Variants in NBPF4 observed in about 807,000 individuals in gnomAD.
The protein encoded by NBPF4 is NBPF family member NBPF4.
A neutral mutation model predicts 21.1 loss-of-function variants in NBPF4; 11 were observed. The observed-to-expected ratio is 0.52, with a 90% CI of 0.33 to 0.86. NBPF4 has a LOEUF of 0.86. Among genes scored for constraint, NBPF4 ranks in the 40% least tolerant of loss-of-function variants. The probability of loss-of-function intolerance (pLI) is 0.03; values close to 1 mark genes in which losing one functional copy is unlikely to be tolerated. For missense variants in NBPF4, 88 were observed against 265.3 expected (o/e 0.33, Z 4.64); for synonymous variants, 47 against 106.4 (o/e 0.44, Z 3.43).
In NBPF4 at chr1:108,228,989, G is replaced by T. The variant is rs772640925; in HGVS notation, c.1591C>A (p.Arg531=). ...GFHCGNGLAQ[R]GLSSTTCSFS... ...CTGCAGGTGGTGGAGGAAAGGCCCC[G>T]CTGGGCCAAGCCGTTCCCACAGTGG... Residue 531 remains arginine, a synonymous_variant, in exon 13 of 15, where the codon CGG becomes AGG. Transcript: ENST00000415641. The T allele has an allele frequency of 1.3e-6, 2 of 1,542,684 alleles. No individual in the cohort carries two copies. Among genetic ancestry groups the T allele is most frequent in the African/African-American group, 2.8e-5 (2 of 72,534 alleles).
chr1:108,268,705 G>T, the NBPF4 span, among the ~76,000 whole-genome samples: 1 of 149,198 alleles, frequency 6.7e-6, no homozygotes, highest in Non-Finnish European at 1.5e-5. Flanking sequence ...AAAATATAAA[G>T]ATTAGAAAGA....
chr1:108,264,279 C>CA, the NBPF4 span, among the ~76,000 whole-genome samples: 1 of 147,424 alleles, frequency 6.8e-6, no homozygotes, highest in African/African-American at 2.6e-5. Context: ...CAACAAAGGT[C>CA]AAAAAAGACA....
the NBPF4 span, among the ~76,000 whole-genome samples, chr1:108,259,539 G>C: frequency 6.9e-6 from 1 of 144,574 alleles, no homozygotes; most frequent in African/African-American, 2.7e-5. Flanking sequence ...ACACTGGGTT[G>C]TCAGCCTTCT....
At chr1:108,258,295 A>G in the NBPF4 span, among the ~76,000 whole-genome samples, 1 of 134,512 alleles carries the variant, frequency 7.4e-6, no homozygotes, top group East Asian at 2.1e-4. Context: ...ATGAACAAAG[A>G]ATTTCTCTCT....
chr1:108,259,356 T>C, the NBPF4 span, among the ~76,000 whole-genome samples: 13 of 143,342 alleles, frequency 9.1e-5, no homozygotes, highest in Non-Finnish European at 1.8e-4. Context: ...AAAGGTGTTT[T>C]CTCAAATGTT....
intron 14 of NBPF4, 87 bp downstream of exon 14, chr1:108,226,592 G>A: frequency 1.8e-6 from 2 of 1,119,152 alleles, no homozygotes; most frequent in Non-Finnish European, 2.5e-6. Context: ...AGAACAAATG[G>A]GAGAGAAAAA....
the NBPF4 span, among the ~76,000 whole-genome samples, chr1:108,254,107 T>C: frequency 1.8e-5 from 2 of 108,384 alleles, no homozygotes; most frequent in Non-Finnish European, 3.8e-5. Context: ...GGAGTTTTGC[T>C]CTTGTTGCCC....
At chr1:108,268,362 A>G in the NBPF4 span, among the ~76,000 whole-genome samples, 3 of 151,894 alleles carry the variant, frequency 2.0e-5, no homozygotes, top group Non-Finnish European at 4.4e-5. Context: ...CAACATTAGA[A>G]AAAAGTAAGA....
At position 108,228,958 on chromosome 1, in the gene NBPF4, G is replaced by A; in HGVS notation, c.1622C>T (p.Ser541Leu). 2.0e-6 allele frequency: 3 copies of A among 1,523,788 alleles called. No homozygotes were observed. The highest frequency in any genetic ancestry group is 2.7e-6 in the Non-Finnish European group (3 of 1,124,072). The allele number at this position is 1,523,788 out of a possible 1,614,324, so 94.4% of individuals were successfully genotyped here. A position where few individuals can be genotyped will look rare whatever the true frequency, so the allele number is the denominator to read the frequency against. The change falls in exon 13 of 15, where the codon TCA (serine) becomes TTA (leucine). Residue 541 changes from serine to leucine, a missense_variant. Ser to Leu is a moderately radical substitution (Grantham distance 145). This residue lies in a region of NBPF4 where 60 missense variants were observed against 86.5 expected (regional missense o/e 0.69). Transcript: ENST00000415641. The stretch of plus-strand genomic sequence containing the variant: ...TTGGTTCCCAGAATCAGCATTGGCT[G>A]AGAAGCTGCAGGTGGTGGAGGAAAG... ...RGLSSTTCSFSANADSGNQWP... is the reference protein window; with the variant it reads ...RGLSSTTCSFLANADSGNQWP...
intron 14 of NBPF4, 41 bp from the exon 15 acceptor site, chr1:108,223,787 T>C (rs1289837013): frequency 1.3e-6 from 2 of 1,522,804 alleles, no homozygotes; most frequent in South Asian, 1.2e-5. Context: ...TGAGCATTTT[T>C]GTCAGGTCCA....
At chr1:108,256,330 A>G in the NBPF4 span, among the ~76,000 whole-genome samples, 2 of 143,638 alleles carry the variant, frequency 1.4e-5, no homozygotes, top group South Asian at 2.3e-4. Flanking sequence ...TAGTTTTTCT[A>G]TTCTTTGGTT....
the NBPF4 span, among the ~76,000 whole-genome samples, chr1:108,264,193 A>C: frequency 6.6e-6 from 1 of 150,628 alleles, no homozygotes; most frequent in Non-Finnish European, 1.5e-5. Flanking sequence ...ATGGAGGAAA[A>C]TTTACCAAGC....
chr1:108,247,473 C>G (rs995277835), upstream of NBPF4, among the ~76,000 whole-genome samples: 1 of 151,710 alleles, frequency 6.6e-6, no homozygotes, highest in East Asian at 1.9e-4. Flanking sequence ...CCTCTGATAC[C>G]ACGGACCTTA....
In NBPF4 at chr1:108,222,632, T is replaced by A. The variant is rs545126269; in HGVS notation, c.*1073A>T. Among the ~76,000 whole-genome samples the A allele has an allele frequency of 6.6e-6, 1 of 152,302 alleles. No individual in the cohort carries two copies. Among genetic ancestry groups the A allele is most frequent in the East Asian group, 1.9e-4 (1 of 5,184 alleles). On this transcript the variant is annotated 3_prime_UTR_variant, in exon 15 of 15. Transcript: ENST00000415641. Reference sequence around the variant, plus strand: ...TTAATTTTGGATGAAAGTTAAAATTTGGGCAGGGAATGATCTTTTTTACAA... The same window carrying A: ...TTAATTTTGGATGAAAGTTAAAATTAGGGCAGGGAATGATCTTTTTTACAA...
Position 108,223,069 on chromosome 1 carries a change from C to A in NBPF4, c.*636G>T, listed in dbSNP as rs950812236. 3.3e-5 allele frequency among the ~76,000 whole-genome samples: 5 copies of A among 152,188 alleles called. No homozygotes were observed. Among genetic ancestry groups the A allele is most frequent in the Non-Finnish European group, 5.9e-5 (4 of 68,050 alleles). On this transcript the variant is annotated 3_prime_UTR_variant, in exon 15 of 15. Transcript: ENST00000415641. ...GAATGTAGACCATTGAGCCAGACAG[C>A]TGACCTGTCCTCCACAAACAAGTCC...
upstream of NBPF4, among the ~76,000 whole-genome samples, chr1:108,248,031 C>T (rs1474228404): frequency 6.6e-6 from 1 of 151,918 alleles, no homozygotes; most frequent in Non-Finnish European, 1.5e-5. Flanking sequence ...GTTGCTCAGG[C>T]TGGTCTTAAA....
upstream of NBPF4, among the ~76,000 whole-genome samples, chr1:108,247,866 C>A (rs1649888086): frequency 8.0e-6 from 1 of 125,456 alleles, no homozygotes. Flanking sequence ...GGTTCTCGTT[C>A]TGTCATCTAG....
rs1288954125 is a variant in NBPF4, at chr1:108,235,075, T to C, written c.1028+161A>G. ...AAGAAGTTAATAAGAAATGCAAACA[T>C]TAAAAGTTTCACAATGAAAATGTAA... is the stretch of plus-strand genomic sequence containing the variant. On this transcript the variant is annotated intron_variant, in intron 9 of 14. Transcript: ENST00000415641. Among the ~76,000 whole-genome samples, 54 of 34,794 alleles carry C rather than the reference T, an allele frequency of 1.6e-3. 4 individuals carry two copies. The highest frequency in any genetic ancestry group is 8.7e-3 in the African/African-American group (53 of 6,058). The allele number at this position is 34,794 out of a possible 152,430, so 22.8% of individuals were successfully genotyped here. A position where few individuals can be genotyped will look rare whatever the true frequency, so the allele number is the denominator to read the frequency against.
rs545673804 is a variant in NBPF4 at position 108,226,730 on chromosome 1, G to A, written c.1824C>T (p.Ser608=). The change falls in exon 14 of 15, where the codon AGC becomes AGT. Residue 608 remains serine, a synonymous_variant. Transcript: ENST00000415641. The stretch of plus-strand genomic sequence containing the variant: ...CGAATCTGAATGCCAGTCTCCACTT[G>A]CTGAACGGGAGTCTTCTTCTGATGG... The part of the protein sequence containing the change: ...LKTIRRRLPF[S]KWRLAFRFAG... 8.7e-4 allele frequency: 1,236 copies of A among 1,414,772 alleles called. 76 individuals are homozygous for A. In the African/African-American group the frequency reaches 0.016, roughly 18 times the overall value. The allele number at this position is 1,414,772 out of a possible 1,614,324, so 87.6% of individuals were successfully genotyped here.
Sources: gnomAD v4.1 joint callset for allele counts (sites outside exome capture counted in the v4.1 genomes callset) on GRCh38, gnomAD v4.1.1 for gene constraint, gnomAD v4.1.1 regional missense constraint, MANE v1.5 for transcripts, NCBI Gene and HGNC (gene_info 2026-07-23, HGNC 2026-07-21) for gene names.